SFXN5: variants seen among roughly 807,000 people sequenced by gnomAD.
The protein encoded by SFXN5 is sideroflexin-5.
Under a neutral mutation model 50.2 loss-of-function variants are expected in SFXN5, and 43 were observed. That is an observed-to-expected ratio of 0.86 (90% confidence interval 0.67 to 1.11). The LOEUF is 1.11. SFXN5 is among the 50% of genes least tolerant of loss of function. SFXN5 has a pLI of 0.00. For missense variants in SFXN5, 463 were observed against 454.1 expected, an observed-to-expected ratio of 1.02 and a Z score of -0.18; for synonymous variants, 203 against 185.8, an observed-to-expected ratio of 1.09 and a Z score of -0.75.
intron 13 of SFXN5, among the ~76,000 whole-genome samples, chr2:72,952,858 C>T (rs2105338432): frequency 6.6e-6 from 1 of 152,302 alleles, no homozygotes; most frequent in East Asian, 1.9e-4. Context: ...CAGCCCCAGC[C>T]CCACTCACTA....
intron 6 of SFXN5, among the ~76,000 whole-genome samples, chr2:73,018,466 C>A (rs929357851): frequency 6.6e-6 from 1 of 151,828 alleles, no homozygotes; most frequent in Admixed American, 6.6e-5. Context: ...ATAAAAAAAA[C>A]CACAAAGACT....
At chr2:73,056,884 T>G (rs149953731) in intron 2 of SFXN5, among the ~76,000 whole-genome samples, 107 of 152,338 alleles carry the variant, frequency 7.0e-4, no homozygotes, top group African/African-American at 2.4e-3. Context: ...CTGATAAAGT[T>G]AAACATATAT....
At chr2:73,053,959 G>C (rs934753372) in intron 2 of SFXN5, among the ~76,000 whole-genome samples, 1 of 152,204 alleles carries the variant, frequency 6.6e-6, no homozygotes, top group Non-Finnish European at 1.5e-5. Context: ...CATTGAGGGG[G>C]AGCCTGGCCC....
At chr2:72,947,418 A>T (rs901436244) in intron 13 of SFXN5, among the ~76,000 whole-genome samples, 7 of 152,356 alleles carry the variant, frequency 4.6e-5, no homozygotes, top group Non-Finnish European at 1.0e-4. Flanking sequence ...GCAGGTGAGA[A>T]AGACACTACT....
In SFXN5 at chr2:73,003,078, C is replaced by T. The variant is rs115099640; in HGVS notation, c.358-1500G>A. 7.6e-3 allele frequency among the ~76,000 whole-genome samples: 1,134 copies of T among 148,846 alleles called. 17 individuals carry two copies. Among genetic ancestry groups the T allele is most frequent in the African/African-American group, 0.027 (1,074 of 40,514 alleles). ...TATCCCAGGAAACTGAGGACCTCCT[C>T]GTAGTTGGGGCCCCCAGTTAGAAGC... On this transcript the variant is annotated intron_variant, in intron 6 of 13. Transcript: ENST00000272433.
chr2:72,994,095 T>A (rs1672931150), intron 9 of SFXN5, among the ~76,000 whole-genome samples: 1 of 152,102 alleles, frequency 6.6e-6, no homozygotes, highest in Non-Finnish European at 1.5e-5. Flanking sequence ...CACCTCCTTA[T>A]GCCACAGGGG....
rs1672684394 is a variant in SFXN5, at chr2:72,992,205, C to T, written c.535-3857G>A. On this transcript the variant is annotated intron_variant, in intron 9 of 13. Transcript: ENST00000272433. This position sits in a 1 kb window ranked among gnomAD's most constrained non-coding sequence, Gnocchi z 4.5. Reference sequence around the variant, plus strand: ...AGACCAGGGGAAAAGGAGGGAAGGCCGGCTTCCTGATAGTCCCCACGGAGA... The same window carrying T: ...AGACCAGGGGAAAAGGAGGGAAGGCTGGCTTCCTGATAGTCCCCACGGAGA... 6.6e-6 allele frequency among the ~76,000 whole-genome samples: 1 copy of T among 152,140 alleles called. No individual in the cohort carries two copies. The highest frequency in any genetic ancestry group is 2.4e-5 in the African/African-American group (1 of 41,434).
intron 1 of SFXN5, among the ~76,000 whole-genome samples, chr2:73,066,536 C>T (rs566141925): frequency 6.0e-5 from 9 of 149,704 alleles, no homozygotes; most frequent in East Asian, 5.9e-4. Flanking sequence ...CCAGCCTGGG[C>T]GACAGAGAGA....
chr2:73,058,664 G>T, intron 1 of SFXN5, 68 bp from the exon 2 acceptor site: 2 of 1,483,598 alleles, frequency 1.3e-6, no homozygotes, highest in Non-Finnish European at 1.9e-6. Flanking sequence ...AGACACTGGA[G>T]AGCCCCACCC....
rs1226090070 is a variant in SFXN5, at chr2:73,047,857, A to T, written c.172-6926T>A. 4.6e-5 allele frequency among the ~76,000 whole-genome samples: 7 copies of T among 152,346 alleles called. No homozygotes were observed. In the East Asian group the frequency reaches 1.3e-3, roughly 29 times the overall value. On this transcript the variant is annotated intron_variant, in intron 2 of 13. Coordinates refer to ENST00000272433, the MANE Select transcript of SFXN5 (RefSeq NM_144579.3). ...TTCATCTGGATATTCCTCTTCTAGAAATTTATCCAACGGAATTAAAGGAAA... is the reference window on the plus strand; with the variant it reads ...TTCATCTGGATATTCCTCTTCTAGATATTTATCCAACGGAATTAAAGGAAA...
At chr2:72,968,581 C>G in intron 11 of SFXN5, 48 bp from the exon 12 acceptor site, 1 of 1,574,918 alleles carries the variant, frequency 6.3e-7, no homozygotes, top group South Asian at 1.1e-5. Flanking sequence ...CAGCTGGTGA[C>G]AGGACAGCAC....
Position 73,023,325 on chromosome 2 carries a change from G to A in SFXN5, c.250-111C>T, listed in dbSNP as rs72920430. 0.021 allele frequency: 23,711 copies of A among 1,129,482 alleles called. 1,650 individuals are homozygous for A. The African/African-American group carries it at 0.22, about 10-fold the overall frequency. The allele number at this position is 1,129,482 out of a possible 1,614,324, so 70.0% of individuals were successfully genotyped here. ...CCAAGGGATCCAGCTCCGAAAGCCCGAAAGAAGCTCGGGCTATCCTTGCCA... is the reference window on the plus strand; with the variant it reads ...CCAAGGGATCCAGCTCCGAAAGCCCAAAAGAAGCTCGGGCTATCCTTGCCA... On this transcript the variant is annotated intron_variant, in intron 3 of 13. Transcript: ENST00000272433.
intron 1 of SFXN5, among the ~76,000 whole-genome samples, chr2:73,062,049 C>T (rs1426189748): frequency 2.0e-5 from 3 of 152,040 alleles, no homozygotes; most frequent in African/African-American, 4.8e-5. Flanking sequence ...CCCAGGAGTT[C>T]GAGGCTGCAG....
Position 73,001,374 on chromosome 2 carries a change from C to G in SFXN5, c.411+151G>C, listed in dbSNP as rs1574080353. 6.8e-6 allele frequency: 5 copies of G among 730,272 alleles called. No homozygotes were observed. The Admixed American group carries it at 1.0e-4, about 15-fold the overall frequency. 45.2% of individuals were successfully genotyped at this position (730,272 alleles called of 1,614,324 possible). A position where few individuals can be genotyped will look rare whatever the true frequency, so the allele number is the denominator to read the frequency against. On this transcript the variant is annotated intron_variant, in intron 7 of 13. Coordinates refer to ENST00000272433, the MANE Select transcript of SFXN5 (RefSeq NM_144579.3). Reference sequence around the variant, plus strand: ...TCAGCAGGGCCAAAGTCCTGGTTTTCCTTCAGTGGCTTCTGGGCTAGGGGT... The same window carrying G: ...TCAGCAGGGCCAAAGTCCTGGTTTTGCTTCAGTGGCTTCTGGGCTAGGGGT...
chr2:72,995,174 C>T (rs1310690723), intron 9 of SFXN5, among the ~76,000 whole-genome samples: 1 of 152,224 alleles, frequency 6.6e-6, no homozygotes, highest in Admixed American at 6.5e-5. Context: ...TCTCTTACTT[C>T]CTCTCACCCT....
chr2:72,945,088 G>A lies in SFXN5; in HGVS notation c.957C>T (p.Ser319=), dbSNP rs79275662. Residue 319 remains serine, a synonymous_variant, in exon 14 of 14, where the codon TCC becomes TCT. Coordinates refer to ENST00000272433, the MANE Select transcript of SFXN5 (RefSeq NM_144579.3). This position sits in a 1 kb window ranked among gnomAD's most constrained non-coding sequence, Gnocchi z 5.8. ...LFPQMSEIET[S]QLEPEIAQAT... ...CCTGGGCTATCTCCGGCTCTAATTG[G>A]GATGTTTCAATCTGTGGAGAGAGAA... 4 of 1,613,738 alleles carry A rather than the reference G, an allele frequency of 2.5e-6. No individual in the cohort carries two copies. The highest frequency in any genetic ancestry group is 1.7e-5 in the Admixed American group (1 of 59,972).
rs575744609 is a variant in SFXN5, at chr2:73,066,539, C to CAG, written c.102+5063_102+5064dup. Among the ~76,000 whole-genome samples the CAG allele has an allele frequency of 5.6e-4, 84 of 149,728 alleles. 1 individual carries two copies. The South Asian group carries it at 0.017, about 30-fold the overall frequency. ...TGCCACTGCACTCCAGCCTGGGCGA[C>CAG]AGAGAGAGACTCTGTCTCCAAAAAA... On this transcript the variant is annotated intron_variant, in intron 1 of 13. Transcript: ENST00000272433.
At chr2:73,050,148 G>T (rs1466667147) in intron 2 of SFXN5, among the ~76,000 whole-genome samples, 1 of 152,112 alleles carries the variant, frequency 6.6e-6, no homozygotes, top group African/African-American at 2.4e-5. Context: ...TTGCCAGACA[G>T]CCATGCTTCA....
chr2:73,029,491 C>T (rs6721383), intron 3 of SFXN5, among the ~76,000 whole-genome samples: 10 of 151,970 alleles, frequency 6.6e-5, no homozygotes, highest in African/African-American at 2.4e-4. Flanking sequence ...TTTTATCCCC[C>T]AAATGCCTGG....
Sources: allele counts gnomAD v4.1 joint callset (sites outside exome capture counted in the v4.1 genomes callset), GRCh38; gene constraint gnomAD v4.1.1; non-coding constraint Gnocchi (gnomAD v3.1); transcripts MANE v1.5; gene names NCBI Gene and HGNC (gene_info 2026-07-23, HGNC 2026-07-21).